The following TTLL5 variants were observed in gnomAD, a reference collection of about 807,000 sequenced individuals.
TTLL5 encodes the protein tubulin polyglutamylase TTLL5.
TTLL5 carries 132 observed loss-of-function variants against 168.4 expected under a neutral mutation model. That is an observed-to-expected ratio of 0.78 (90% CI 0.68 to 0.91). The LOEUF (loss-of-function observed/expected upper bound fraction) is 0.91, where lower values mean the gene tolerates loss of function less well. Ranked by LOEUF, TTLL5 falls within the 40% of genes least tolerant of loss-of-function variation. The pLI is 0.00. For synonymous variants in TTLL5, 546 were observed against 558.6 expected, an observed-to-expected ratio of 0.98 and a Z score of 0.32; for missense variants, 1,545 against 1,581.5, an observed-to-expected ratio of 0.98 and a Z score of 0.39.
At chr14:75,794,385 T>C (rs770057614) in intron 27 of TTLL5, among the ~76,000 whole-genome samples, 1 of 151,332 alleles carries the variant, frequency 6.6e-6, no homozygotes, top group Non-Finnish European at 1.5e-5. Context: ...AACTAGATTA[T>C]ATGTTTCCGG....
At chr14:75,921,051 T>C (rs992333467) in intron 31 of TTLL5, among the ~76,000 whole-genome samples, 1 of 152,206 alleles carries the variant, frequency 6.6e-6, no homozygotes, top group African/African-American at 2.4e-5. Context: ...TCATATCCTT[T>C]GCCCACTTTT....
At chr14:75,774,426 G>C (rs1891590735) in intron 21 of TTLL5, among the ~76,000 whole-genome samples, 1 of 152,112 alleles carries the variant, frequency 6.6e-6, no homozygotes. Context: ...TCAAACTACT[G>C]TGATAGTTCT....
chr14:75,698,970 G>A (rs1304873021), intron 6 of TTLL5, among the ~76,000 whole-genome samples: 2 of 151,468 alleles, frequency 1.3e-5, no homozygotes, highest in African/African-American at 2.4e-5. Flanking sequence ...GAGTGATTTT[G>A]CTGTCCTCTT....
chr14:75,756,379 A>G (rs994623185), intron 18 of TTLL5, among the ~76,000 whole-genome samples: 1 of 152,232 alleles, frequency 6.6e-6, no homozygotes, highest in Non-Finnish European at 1.5e-5. Flanking sequence ...TAAAAGGGCA[A>G]CATAGGGGAT....
At chr14:75,787,224 A>G (rs2140339294) in intron 26 of TTLL5, among the ~76,000 whole-genome samples, 1 of 152,350 alleles carries the variant, frequency 6.6e-6, no homozygotes, top group South Asian at 2.1e-4. Flanking sequence ...ACAGATTTTT[A>G]AAGTTTAAAA....
At position 75,932,047 on chromosome 14, in the gene TTLL5, T is replaced by C. The variant is rs1031533010; in HGVS notation, c.3824-22377T>C. On this transcript the variant is annotated intron_variant, in intron 31 of 31. Coordinates refer to ENST00000298832, the MANE Select transcript of TTLL5 (RefSeq NM_015072.5). ...ATATGGGATAAAAGGTAAATTTCTA[T>C]TGCTATTGTAAGGTTTAGCATTCAC... Among the ~76,000 whole-genome samples the C allele has an allele frequency of 2.6e-5, 4 of 152,240 alleles. No homozygotes were observed. The East Asian group carries it at 7.7e-4, about 29-fold the overall frequency.
intron 26 of TTLL5, among the ~76,000 whole-genome samples, chr14:75,791,485 G>A (rs1892724870): frequency 6.6e-6 from 1 of 151,278 alleles, no homozygotes; most frequent in African/African-American, 2.4e-5. Context: ...TCTCAAAAAC[G>A]AGCAAAATTA....
chr14:75,698,017 TTC>T (rs1283405320), intron 6 of TTLL5, among the ~76,000 whole-genome samples: 1 of 152,174 alleles, frequency 6.6e-6, no homozygotes, highest in African/African-American at 2.4e-5. Flanking sequence ...AAACAAAAAA[TTC>T]TCTCAATTTT....
At chr14:75,667,776 T>TA (rs1883394924) in intron 2 of TTLL5, among the ~76,000 whole-genome samples, 2 of 147,050 alleles carry the variant, frequency 1.4e-5, no homozygotes, top group East Asian at 2.0e-4. Context: ...TTTTTTTTTT[T>TA]ATTGAGACGG....
At chr14:75,855,975 G>T (rs1337979617) in intron 28 of TTLL5, among the ~76,000 whole-genome samples, 3 of 152,140 alleles carry the variant, frequency 2.0e-5, no homozygotes, top group Admixed American at 1.3e-4. Context: ...TCCTTAGAAG[G>T]CCCAGATGAT....
intron 28 of TTLL5, among the ~76,000 whole-genome samples, chr14:75,833,231 G>C (rs1022529406): frequency 6.6e-6 from 1 of 152,028 alleles, no homozygotes; most frequent in Admixed American, 6.6e-5. Context: ...CGTTCTCTGA[G>C]TTCTGACCTT....
At chr14:75,779,179 C>T (rs971811950) in intron 23 of TTLL5, among the ~76,000 whole-genome samples, 1 of 152,138 alleles carries the variant, frequency 6.6e-6, no homozygotes, top group Non-Finnish European at 1.5e-5. Flanking sequence ...TCAGGTTTAG[C>T]CCACAGTGTG....
intron 31 of TTLL5, among the ~76,000 whole-genome samples, chr14:75,943,082 C>T (rs1352569835): frequency 1.3e-5 from 2 of 151,884 alleles, no homozygotes; most frequent in Admixed American, 6.6e-5. Flanking sequence ...TTCAAAGTCC[C>T]ACAAAAAAAA....
rs540288580 is a variant in TTLL5, at chr14:75,913,887, G to A, written c.3823+11663G>A. 1.7e-4 allele frequency among the ~76,000 whole-genome samples: 26 copies of A among 151,350 alleles called. No individual in the cohort carries two copies. In the South Asian group the frequency reaches 3.6e-3, roughly 21 times the overall value. On this transcript the variant is annotated intron_variant, in intron 31 of 31. Transcript: ENST00000298832. ...AAATTAGCTGGGCGTGGTGGCACAC[G>A]TCTTTAGCACCAGCTACTCGGGTGG...
At chr14:75,676,519 T>A (rs1476900289) in intron 3 of TTLL5, among the ~76,000 whole-genome samples, 1 of 152,142 alleles carries the variant, frequency 6.6e-6, no homozygotes, top group Non-Finnish European at 1.5e-5. Context: ...ACAGAGTATA[T>A]ATGAACTAAA....
intron 31 of TTLL5, among the ~76,000 whole-genome samples, chr14:75,911,970 G>A (rs920086071): frequency 2.0e-5 from 3 of 152,180 alleles, no homozygotes; most frequent in African/African-American, 7.2e-5. Flanking sequence ...ATGAGCACAG[G>A]GAGGAATCAG....
chr14:75,947,932 C>T (rs545527490), intron 31 of TTLL5, among the ~76,000 whole-genome samples: 11 of 111,586 alleles, frequency 9.9e-5, no homozygotes, highest in African/African-American at 4.1e-4. Flanking sequence ...AGAGCAAGAC[C>T]CTGTCTCAAA....
At chr14:75,686,231 C>T (rs1885038244) in intron 5 of TTLL5, among the ~76,000 whole-genome samples, 1 of 152,092 alleles carries the variant, frequency 6.6e-6, no homozygotes, top group African/African-American at 2.4e-5. Flanking sequence ...AACCAAGGTG[C>T]CTTTTTGGAG....
At chr14:75,808,769 A>G (rs1432208966) in intron 27 of TTLL5, among the ~76,000 whole-genome samples, 2 of 152,086 alleles carry the variant, frequency 1.3e-5, no homozygotes, top group African/African-American at 2.4e-5. Context: ...CAATTGATCC[A>G]GTCATATTCT....
Sources: gnomAD v4.1 joint callset for allele counts (sites outside exome capture counted in the v4.1 genomes callset) on GRCh38, gnomAD v4.1.1 for gene constraint, MANE v1.5 for transcripts, NCBI Gene and HGNC (gene_info 2026-07-23, HGNC 2026-07-21) for gene names.